The following USP48 variants were observed in gnomAD, a reference collection of about 807,000 sequenced individuals.
USP48 encodes the protein ubiquitin specific peptidase 48.
Under a neutral mutation model 150.7 loss-of-function variants are expected in USP48, and 43 were observed. That is an observed-to-expected ratio of 0.29 (90% CI 0.22 to 0.37). USP48 has a LOEUF of 0.37. Ranked by LOEUF, USP48 falls within the 10% of genes least tolerant of loss-of-function variation. The pLI is 1.00. For synonymous variants in USP48, 396 were observed against 425.9 expected, an observed-to-expected ratio of 0.93 and a Z score of 0.86; for missense variants, 813 against 1,249.6, an observed-to-expected ratio of 0.65 and a Z score of 5.27.
chr1:21,768,757 G>A (rs533338387), intron 1 of USP48, among the ~76,000 whole-genome samples: 2 of 134,124 alleles, frequency 1.5e-5, no homozygotes, highest in Admixed American at 1.7e-4. Context: ...CCCACCACCC[G>A]TGTAGGCCAC....
chr1:21,762,727 G>A (rs112967835), intron 1 of USP48, among the ~76,000 whole-genome samples: 11,607 of 152,082 alleles, frequency 0.076, 501 homozygotes, highest in Middle Eastern at 0.11. Context: ...TTAGCTGGAC[G>A]TGGTGGCAGG....
At chr1:21,749,325 A>G (rs936586265) in intron 6 of USP48, among the ~76,000 whole-genome samples, 2 of 152,026 alleles carry the variant, frequency 1.3e-5, no homozygotes, top group African/African-American at 4.8e-5. Context: ...CCTGATCCCT[A>G]ACATTTGAAT....
chr1:21,781,206 G>A (rs1236475132), intron 1 of USP48, among the ~76,000 whole-genome samples: 2 of 148,828 alleles, frequency 1.3e-5, no homozygotes, highest in African/African-American at 4.9e-5. Context: ...ATTATCTGAG[G>A]TCAGGAGTTC....
At chr1:21,730,814 G>A (rs1435220186) in intron 9 of USP48, among the ~76,000 whole-genome samples, 2 of 149,834 alleles carry the variant, frequency 1.3e-5, no homozygotes, top group Admixed American at 6.7e-5. Flanking sequence ...AGGCTAGAGT[G>A]CAGTGGCGCG....
chr1:21,759,956 A>G lies in USP48; in HGVS notation c.135-2173T>C, dbSNP rs768397432. ...AAAGTTAATTACAAAGGGAAAGATA[A>G]TAACTTTCAGTGGAGAAACTTGACA... On this transcript the variant is annotated intron_variant, in intron 1 of 26. Transcript: ENST00000308271. 5.0e-4 allele frequency among the ~76,000 whole-genome samples: 76 copies of G among 152,220 alleles called. 1 individual carries two copies. Among genetic ancestry groups the G allele is most frequent in the Non-Finnish European group, 1.0e-4 (7 of 68,034 alleles).
chr1:21,735,747 C>A (rs989159721), intron 9 of USP48, among the ~76,000 whole-genome samples: 19 of 152,160 alleles, frequency 1.2e-4, no homozygotes, highest in African/African-American at 4.1e-4. Context: ...AATCAGCCAG[C>A]CGTGGTGACA....
chr1:21,759,111 G>A (rs143703768), intron 1 of USP48, among the ~76,000 whole-genome samples: 10,714 of 149,440 alleles, frequency 0.072, 461 homozygotes, highest in Middle Eastern at 0.11. Context: ...GAACCCAGGA[G>A]GCGGAGGTTG....
chr1:21,743,811 G>C (rs2097787541), intron 8 of USP48, among the ~76,000 whole-genome samples: 1 of 151,922 alleles, frequency 6.6e-6, no homozygotes, highest in Non-Finnish European at 1.5e-5. Flanking sequence ...GAACTTTTAG[G>C]AATATGATAT....
At chr1:21,708,004 A>T (rs982425854) in intron 15 of USP48, among the ~76,000 whole-genome samples, 1 of 151,930 alleles carries the variant, frequency 6.6e-6, no homozygotes, top group Non-Finnish European at 1.5e-5. Flanking sequence ...TCTACTAAAA[A>T]TACCAACATC....
chr1:21,704,862 C>T (rs1162260471), intron 19 of USP48, among the ~76,000 whole-genome samples: 1 of 151,906 alleles, frequency 6.6e-6, no homozygotes, highest in Non-Finnish European at 1.5e-5. Flanking sequence ...ATATTTGAAC[C>T]ATTTAACTTT....
At position 21,708,780 on chromosome 1, in the gene USP48, G is replaced by C. The variant is rs772346844; in HGVS notation, c.1964-1912C>G. On this transcript the variant is annotated intron_variant, in intron 15 of 26. Transcript: ENST00000308271. Reference sequence around the variant, plus strand: ...TGCACCTGTAATTGCAGCTACATGGGAGGCTGAGGCAGGAGAATCGCTTGA... The same window carrying C: ...TGCACCTGTAATTGCAGCTACATGGCAGGCTGAGGCAGGAGAATCGCTTGA... Among the ~76,000 whole-genome samples the C allele has an allele frequency of 2.3e-4, 35 of 149,140 alleles. 1 individual carries two copies. The highest frequency in any genetic ancestry group is 1.0e-4 in the Non-Finnish European group (7 of 67,438).
At chr1:21,746,259 G>A (rs2097794253) in intron 8 of USP48, among the ~76,000 whole-genome samples, 2 of 152,138 alleles carry the variant, frequency 1.3e-5, no homozygotes, top group Admixed American at 1.3e-4. Flanking sequence ...CAGCACTTAG[G>A]GAGGTCAAGG....
At chr1:21,778,393 T>C (rs1036126497) in intron 1 of USP48, among the ~76,000 whole-genome samples, 3 of 151,976 alleles carry the variant, frequency 2.0e-5, no homozygotes, top group African/African-American at 2.4e-5. Flanking sequence ...TATAGGGACA[T>C]AGAGCAATTG....
intron 1 of USP48, among the ~76,000 whole-genome samples, chr1:21,766,638 G>C (rs1010940028): frequency 4.6e-5 from 7 of 152,212 alleles, no homozygotes; most frequent in Admixed American, 2.0e-4. Context: ...CACTCCAAAT[G>C]GTCATTTACA....
At chr1:21,743,526 G>A (rs889173786) in intron 8 of USP48, among the ~76,000 whole-genome samples, 1 of 152,156 alleles carries the variant, frequency 6.6e-6, no homozygotes, top group Non-Finnish European at 1.5e-5. Context: ...GGGTTACGCT[G>A]TGGCTGGCAA....
chr1:21,777,553 C>T (rs568359607), intron 1 of USP48, among the ~76,000 whole-genome samples: 61 of 151,890 alleles, frequency 4.0e-4, no homozygotes, highest in African/African-American at 1.4e-3. Context: ...TGCAGTTGTA[C>T]CTACTGGGGA....
intron 1 of USP48, among the ~76,000 whole-genome samples, chr1:21,765,832 A>AAGCCGAGGTTGCAGTT (rs1171796917): frequency 6.8e-6 from 1 of 147,604 alleles, no homozygotes; most frequent in Non-Finnish European, 1.5e-5. Context: ...TGAAACTACG[A>AAGCCGAGGTTGCAGTT]AGCCGAGGTT....
intron 26 of USP48, among the ~76,000 whole-genome samples, chr1:21,679,729 CTT>C (rs2097560331): frequency 2.0e-5 from 3 of 152,320 alleles, no homozygotes; most frequent in African/African-American, 2.4e-5. Flanking sequence ...GAGTTTCACT[CTT>C]GTCGCCCAGG....
intron 23 of USP48, among the ~76,000 whole-genome samples, chr1:21,692,394 ATG>A (rs2152501802): frequency 6.6e-6 from 1 of 152,234 alleles, no homozygotes; most frequent in African/African-American, 2.4e-5. Context: ...GCTACGGTGG[ATG>A]TGTGTGATGC....
Sources: gnomAD v4.1 joint callset for allele counts (sites outside exome capture counted in the v4.1 genomes callset) on GRCh38, gnomAD v4.1.1 for gene constraint, MANE v1.5 for transcripts, NCBI Gene and HGNC (gene_info 2026-07-23, HGNC 2026-07-21) for gene names.